Variants in GRID2 observed in about 807,000 individuals in gnomAD.
GRID2 encodes glutamate ionotropic receptor delta type subunit 2.
Under a neutral mutation model 114.8 loss-of-function variants are expected in GRID2, and 33 were observed. The ratio of observed to expected loss-of-function variants is 0.29; its 90% CI spans 0.22 to 0.38. The LOEUF is 0.38. Ranked by LOEUF, GRID2 falls within the 10% of genes least tolerant of loss-of-function variation. The pLI is 1.00. For synonymous variants in GRID2, 505 were observed against 449.9 expected (o/e 1.12, Z -1.55); for missense variants, 1,184 against 1,257.7 (o/e 0.94, Z 0.89).
rs144557382 is a variant in GRID2 at position 92,313,081 on chromosome 4, A to ATGTG, written c.88+8375_88+8378dup. On this transcript the variant is annotated intron_variant, in intron 1 of 15. Coordinates refer to ENST00000282020, the MANE Select transcript of GRID2 (RefSeq NM_001510.4). ...AATGAGTGGATAAAGAAACTCTGAT[A>ATGTG]TGTGTGTGTGTGTGTGTGTGTGTGT... Among the ~76,000 whole-genome samples the ATGTG allele has an allele frequency of 5.3e-3, 767 of 145,208 alleles. 3 individuals carry two copies. Among genetic ancestry groups the ATGTG allele is most frequent in the East Asian group, 0.025 (124 of 4,886 alleles).
chr4:93,397,698 C>T (rs957936432), intron 9 of GRID2, among the ~76,000 whole-genome samples: 23 of 151,754 alleles, frequency 1.5e-4, no homozygotes, highest in Admixed American at 1.3e-4. Flanking sequence ...GGCATTGGTT[C>T]CAGGAAACCC....
chr4:92,952,028 C>G (rs1200904783), intron 2 of GRID2, among the ~76,000 whole-genome samples: 1 of 152,052 alleles, frequency 6.6e-6, no homozygotes, highest in Non-Finnish European at 1.5e-5. Context: ...GTGTACATGT[C>G]CCTTCACATA....
chr4:92,624,408 C>T (rs1490833205), intron 2 of GRID2, among the ~76,000 whole-genome samples: 4 of 151,760 alleles, frequency 2.6e-5, no homozygotes, highest in Non-Finnish European at 5.9e-5. Flanking sequence ...TCTCAAATGA[C>T]AAAATAGTAT....
At chr4:93,686,294 T>C (rs541830750) in intron 14 of GRID2, among the ~76,000 whole-genome samples, 20 of 152,102 alleles carry the variant, frequency 1.3e-4, no homozygotes, top group African/African-American at 4.8e-4. Context: ...CATGAGGTCT[T>C]ATCAATATCT....
chr4:93,112,649 A>G (rs1289688632), intron 4 of GRID2, among the ~76,000 whole-genome samples: 3 of 152,136 alleles, frequency 2.0e-5, no homozygotes, highest in African/African-American at 7.2e-5. Flanking sequence ...AGATAATGCT[A>G]GTGTATTCCT....
chr4:93,385,660 A>G (rs2149315073), intron 8 of GRID2, among the ~76,000 whole-genome samples: 1 of 152,192 alleles, frequency 6.6e-6, no homozygotes, highest in East Asian at 1.9e-4. Flanking sequence ...ATTAATCCTT[A>G]CTAATAATAA....
At chr4:93,614,250 A>T (rs1326927441) in intron 13 of GRID2, among the ~76,000 whole-genome samples, 1 of 152,164 alleles carries the variant, frequency 6.6e-6, no homozygotes, top group East Asian at 1.9e-4. Context: ...CCTCAGATGG[A>T]AATGCAGAAA....
chr4:93,543,307 G>C (rs972713297), intron 13 of GRID2, among the ~76,000 whole-genome samples: 1 of 152,132 alleles, frequency 6.6e-6, no homozygotes, highest in Admixed American at 6.6e-5. Flanking sequence ...TGAAGTACTT[G>C]ACTGTCAAAC....
At chr4:92,743,548 T>A (rs1004509904) in intron 2 of GRID2, among the ~76,000 whole-genome samples, 41 of 152,286 alleles carry the variant, frequency 2.7e-4, no homozygotes, top group African/African-American at 9.1e-4. Flanking sequence ...TTTTTATTTA[T>A]ATTTATTTTT....
At chr4:92,723,063 T>A (rs1735887607) in intron 2 of GRID2, among the ~76,000 whole-genome samples, 1 of 152,004 alleles carries the variant, frequency 6.6e-6, no homozygotes, top group Non-Finnish European at 1.5e-5. Context: ...CTTTTTTTTT[T>A]GAGGTTGATT....
chr4:93,150,643 C>T (rs77013052), intron 4 of GRID2, among the ~76,000 whole-genome samples: 6 of 152,108 alleles, frequency 3.9e-5, no homozygotes, highest in Admixed American at 2.6e-4. Context: ...AGAGATGCAG[C>T]TGGTTCCATC....
In GRID2 at chr4:93,542,673, A is replaced by C. The variant is rs185958634; in HGVS notation, c.2193+27262A>C. On this transcript the variant is annotated intron_variant, in intron 13 of 15. Coordinates refer to ENST00000282020, the MANE Select transcript of GRID2 (RefSeq NM_001510.4). ...AAGTGTGAGGAGGGCTGGAAACATC[A>C]CCTACCTGAGAAGAGGTGGGTCTGG... Among the ~76,000 whole-genome samples the C allele has an allele frequency of 1.2e-3, 190 of 152,210 alleles. 2 individuals are homozygous for C. The highest frequency in any genetic ancestry group is 2.8e-4 in the Non-Finnish European group (19 of 68,002).
At chr4:92,997,046 CA>C (rs1755245262) in intron 2 of GRID2, among the ~76,000 whole-genome samples, 1 of 152,116 alleles carries the variant, frequency 6.6e-6, no homozygotes. Context: ...TGATGATTAT[CA>C]AAAAGCATCA....
chr4:92,400,418 C>T (rs1239711439), intron 1 of GRID2, among the ~76,000 whole-genome samples: 1 of 152,158 alleles, frequency 6.6e-6, no homozygotes, highest in Non-Finnish European at 1.5e-5. Context: ...TTCATTCATG[C>T]TGTAGCATGT....
chr4:93,154,797 A>C (rs539368373), intron 4 of GRID2, among the ~76,000 whole-genome samples: 4 of 151,774 alleles, frequency 2.6e-5, no homozygotes, highest in South Asian at 2.1e-4. Flanking sequence ...ACCACCACCA[A>C]CAAAAAACCC....
intron 2 of GRID2, among the ~76,000 whole-genome samples, chr4:92,717,373 A>G (rs1735601763): frequency 6.6e-6 from 1 of 152,192 alleles, no homozygotes; most frequent in Non-Finnish European, 1.5e-5. Flanking sequence ...AAGAAATGTT[A>G]AGCAATAATG....
At chr4:92,908,353 T>A (rs566460314) in intron 2 of GRID2, among the ~76,000 whole-genome samples, 1 of 152,172 alleles carries the variant, frequency 6.6e-6, no homozygotes, top group African/African-American at 2.4e-5. Context: ...AGTAACATTA[T>A]GGTAACTGCT....
At chr4:93,022,543 A>G in intron 2 of GRID2, among the ~76,000 whole-genome samples, 2 of 152,112 alleles carry the variant, frequency 1.3e-5, no homozygotes, top group East Asian at 3.9e-4. Flanking sequence ...ATTTTTAGTC[A>G]AGAAATTCCT....
chr4:93,470,417 C>T lies in GRID2; in HGVS notation c.1858+14443C>T, dbSNP rs143866427. Among the ~76,000 whole-genome samples, 546 of 152,224 alleles carry T rather than the reference C, an allele frequency of 3.6e-3. 4 individuals are homozygous for T. Among genetic ancestry groups the T allele is most frequent in the African/African-American group, 0.013 (528 of 41,562 alleles). On this transcript the variant is annotated intron_variant, in intron 11 of 15. Coordinates refer to ENST00000282020, the MANE Select transcript of GRID2 (RefSeq NM_001510.4). The stretch of plus-strand genomic sequence containing the variant: ...CAAACTTGTAAGCTGGCTATACTTA[C>T]TTGTTTCACTCCAAGACTTGACAGC...
Sources: allele counts gnomAD v4.1 joint callset (sites outside exome capture counted in the v4.1 genomes callset), GRCh38; gene constraint gnomAD v4.1.1; transcripts MANE v1.5; gene names NCBI Gene and HGNC (gene_info 2026-07-23, HGNC 2026-07-21).